The following ADAM19 variants were observed in gnomAD, a reference collection of about 807,000 sequenced individuals.
ADAM19 encodes ADAM metallopeptidase domain 19.
ADAM19 carries 65 observed loss-of-function variants against 114.7 expected under a neutral mutation model. The observed-to-expected ratio is 0.57, with a 90% CI of 0.46 to 0.70. ADAM19 has a LOEUF of 0.70. ADAM19 is among the 30% of genes least tolerant of loss of function. The pLI is 0.00. For missense variants in ADAM19, 1,063 were observed against 1,204.7 expected (o/e 0.88, Z 1.74); for synonymous variants, 466 against 460.5 (o/e 1.01, Z -0.15).
chr5:157,478,464 C>T lies in ADAM19; in HGVS notation c.*2485G>A. On this transcript the variant is annotated 3_prime_UTR_variant, in exon 23 of 23. Coordinates refer to ENST00000257527, the MANE Select transcript of ADAM19 (RefSeq NM_033274.5). The stretch of plus-strand genomic sequence containing the variant: ...AGCCTTTTCACTATTCCCATAAGGC[C>T]CCTTCCTCTCCCTTTTGCAATATTC... 1.6e-6 allele frequency: 1 copy of T among 637,602 alleles called. No individual in the cohort carries two copies. Among genetic ancestry groups the T allele is most frequent in the Non-Finnish European group, 2.0e-6 (1 of 512,408 alleles). The allele number at this position is 637,602 out of a possible 1,614,324, so 39.5% of individuals were successfully genotyped here. A position where few individuals can be genotyped will look rare whatever the true frequency, so the allele number is the denominator to read the frequency against.
chr5:157,514,399 G>A (rs1365510342), intron 7 of ADAM19, among the ~76,000 whole-genome samples: 5 of 149,718 alleles, frequency 3.3e-5, no homozygotes, highest in Non-Finnish European at 5.9e-5. Flanking sequence ...GCGTGATCTC[G>A]GCTTACAACC....
chr5:157,541,813 C>T (rs937691136), intron 3 of ADAM19, among the ~76,000 whole-genome samples: 2 of 152,208 alleles, frequency 1.3e-5, no homozygotes, highest in Non-Finnish European at 1.5e-5. Context: ...GAGGAAGGAG[C>T]AGTGACACTA....
chr5:157,570,695 T>C (rs909559352), intron 2 of ADAM19, 200 bp downstream of exon 2: 4 of 506,420 alleles, frequency 7.9e-6, no homozygotes, highest in East Asian at 3.2e-5. Flanking sequence ...CCTCAACTAA[T>C]AGCATTGGGA....
intron 4 of ADAM19, among the ~76,000 whole-genome samples, chr5:157,536,490 T>C (rs1371945060): frequency 6.6e-6 from 1 of 152,100 alleles, no homozygotes; most frequent in Non-Finnish European, 1.5e-5. Flanking sequence ...TAGCCAAGTG[T>C]GGTGATGCAT....
At chr5:157,557,597 T>C (rs1207216649) in intron 3 of ADAM19, among the ~76,000 whole-genome samples, 1 of 152,174 alleles carries the variant, frequency 6.6e-6, no homozygotes, top group African/African-American at 2.4e-5. Context: ...CAGCATAACC[T>C]GGGTAGCAAA....
At chr5:157,564,101 A>G (rs1757586461) in intron 3 of ADAM19, among the ~76,000 whole-genome samples, 1 of 152,138 alleles carries the variant, frequency 6.6e-6, no homozygotes, top group African/African-American at 2.4e-5. Flanking sequence ...TCACACATAC[A>G]CAGACCTCTG....
At chr5:157,509,541 G>T (rs1422794) in intron 8 of ADAM19, 74 bp from the exon 9 acceptor site, 749,978 of 1,167,158 alleles carry the variant, frequency 0.64, 245,660 homozygotes, top group East Asian at 0.9. Context: ...TTTCATTCTG[G>T]TGGAGCTTGA....
At chr5:157,565,245 CAA>C (rs1409488997) in intron 2 of ADAM19, among the ~76,000 whole-genome samples, 1 of 151,990 alleles carries the variant, frequency 6.6e-6, no homozygotes, top group Non-Finnish European at 1.5e-5. Flanking sequence ...TCCAGAAAAA[CAA>C]ATTAAAAATA....
Position 157,507,049 on chromosome 5 carries a change from G to A in ADAM19, c.990+7C>T. 1 of 1,613,754 alleles carries A rather than the reference G, an allele frequency of 6.2e-7. No homozygotes were observed. Among genetic ancestry groups the A allele is most frequent in the Non-Finnish European group, 8.5e-7 (1 of 1,179,682 alleles). On this transcript the variant is annotated splice_region_variant and intron_variant, in intron 10 of 22. Coordinates refer to ENST00000257527, the MANE Select transcript of ADAM19 (RefSeq NM_033274.5). ...TCTGCAGCGCACACACACGGGCTGA[G>A]ACTCACCATGTTGACTCCTCCAGAC... is the stretch of plus-strand genomic sequence containing the variant.
intron 8 of ADAM19, among the ~76,000 whole-genome samples, chr5:157,511,566 C>T (rs1341739181): frequency 2.6e-5 from 4 of 152,128 alleles, no homozygotes; most frequent in Non-Finnish European, 5.9e-5. Flanking sequence ...CTGTTTTGTG[C>T]CAGTTCAATC....
chr5:157,488,931 G>A (rs1755052921), intron 20 of ADAM19, among the ~76,000 whole-genome samples, 171 bp downstream of exon 20: 1 of 152,206 alleles, frequency 6.6e-6, no homozygotes, highest in South Asian at 2.1e-4. Context: ...TTGGGAGGCT[G>A]AGGCAGGAGA....
chr5:157,539,420 C>G (rs1756855451), intron 3 of ADAM19, among the ~76,000 whole-genome samples: 1 of 152,140 alleles, frequency 6.6e-6, no homozygotes, highest in East Asian at 1.9e-4. Context: ...CATTTCCCAG[C>G]AAGAGAGGGT....
At position 157,488,357 on chromosome 5, in the gene ADAM19, C is replaced by G. The variant is rs1561841078; in HGVS notation, c.2458G>C (p.Gly820Arg). ...GTCCTCTCTATTTGAGACCCGGGCCCTGGGGAGTTCCTAGCAGCCCTGCTC... is the reference window on the plus strand; with the variant it reads ...GTCCTCTCTATTTGAGACCCGGGCCGTGGGGAGTTCCTAGCAGCCCTGCTC... The part of the protein sequence containing the change: ...HLSRAARNSP[G>R]PGSQIERTES... Residue 820 changes from glycine (G) to arginine (R), a missense_variant, in exon 21 of 23, where the codon GGG becomes CGG. Transcript: ENST00000257527. 1.2e-6 allele frequency: 2 copies of G among 1,614,184 alleles called. No homozygotes were observed. Among genetic ancestry groups the G allele is most frequent in the Non-Finnish European group, 1.7e-6 (2 of 1,180,030 alleles).
In ADAM19 at chr5:157,507,383, T is replaced by C. The variant is rs1469769994; in HGVS notation, c.906-243A>G. Among the ~76,000 whole-genome samples the C allele has an allele frequency of 2.0e-5, 3 of 152,252 alleles. No homozygotes were observed. In the East Asian group the frequency reaches 5.8e-4, roughly 29 times the overall value. ...CACAAAGAGAGAGAGAAAGGTCGTT[T>C]ATCTCCCACAATATACCCATAGCTG... On this transcript the variant is annotated intron_variant, in intron 9 of 22. Transcript: ENST00000257527.
At chr5:157,541,386 C>G (rs1316105020) in intron 3 of ADAM19, among the ~76,000 whole-genome samples, 1 of 152,210 alleles carries the variant, frequency 6.6e-6, no homozygotes, top group African/African-American at 2.4e-5. Flanking sequence ...AATTTCTGTT[C>G]TACCCTGCTG....
intron 21 of ADAM19, among the ~76,000 whole-genome samples, chr5:157,485,859 G>A (rs1754915365): frequency 6.6e-6 from 1 of 152,170 alleles, no homozygotes; most frequent in Non-Finnish European, 1.5e-5. Flanking sequence ...TCTCTTCTGA[G>A]CACCCTGAGC....
chr5:157,544,831 A>G (rs1316921656), intron 3 of ADAM19, among the ~76,000 whole-genome samples: 1 of 152,236 alleles, frequency 6.6e-6, no homozygotes. Context: ...AAATAACCAC[A>G]GTGTTGATCA....
chr5:157,552,879 T>G (rs1757243336), intron 3 of ADAM19, among the ~76,000 whole-genome samples: 1 of 152,144 alleles, frequency 6.6e-6, no homozygotes. Flanking sequence ...TCCAGTCATT[T>G]GCAACAACAT....
chr5:157,514,813 C>T (rs1441512420), intron 7 of ADAM19, among the ~76,000 whole-genome samples: 1 of 152,182 alleles, frequency 6.6e-6, no homozygotes, highest in African/African-American at 2.4e-5. Context: ...AGAAAACCTG[C>T]TACAACTGCA....
Sources: gnomAD v4.1 joint callset for allele counts (sites outside exome capture counted in the v4.1 genomes callset) on GRCh38, gnomAD v4.1.1 for gene constraint, MANE v1.5 for transcripts, NCBI Gene and HGNC (gene_info 2026-07-23, HGNC 2026-07-21) for gene names.